Variants in CDK12 observed in about 807,000 individuals in gnomAD.
CDK12 encodes cyclin-dependent kinase 12.
In CDK12, 17 loss-of-function variants were observed where a neutral mutation model predicts 133.8. The observed-to-expected ratio is 0.13, with a 90% CI of 0.09 to 0.19. The LOEUF (loss-of-function observed/expected upper bound fraction) is 0.19, where lower values mean the gene tolerates loss of function less well. Ranked by LOEUF, CDK12 falls within the 10% of genes least tolerant of loss-of-function variation. The pLI, the probability that CDK12 is intolerant of heterozygous loss-of-function variation, is 1.00. For missense variants in CDK12, 1,508 were observed against 1,818.7 expected, an observed-to-expected ratio of 0.83 and a Z score of 3.11; for synonymous variants, 694 against 683.6, an observed-to-expected ratio of 1.02 and a Z score of -0.24.
At chr17:39,494,381 A>AACT in intron 4 of CDK12, 143 bp from the exon 5 acceptor site, 1 of 665,946 alleles carries the variant, frequency 1.5e-6, no homozygotes, top group Non-Finnish European at 2.6e-6. Context: ...CCTAGAGTTT[A>AACT]CTTTTTAAAG....
intron 2 of CDK12, among the ~76,000 whole-genome samples, chr17:39,480,622 C>T (rs1250480724): frequency 6.6e-6 from 1 of 151,888 alleles, no homozygotes. Flanking sequence ...AGGGTTTCAC[C>T]ACGTTGGCCA....
intron 5 of CDK12, among the ~76,000 whole-genome samples, chr17:39,496,123 G>T (rs960834774): frequency 6.6e-6 from 1 of 151,986 alleles, no homozygotes; most frequent in African/African-American, 2.4e-5. Flanking sequence ...TGTTGGCCAG[G>T]CTGGTTTCGA....
chr17:39,546,306 A>G (rs1358220482), upstream of CDK12: 1 of 150,442 alleles, frequency 6.6e-6, no homozygotes, highest in Non-Finnish European at 1.5e-5. Context: ...CAGCCTCCTC[A>G]GTAGCTGGGA....
chr17:39,550,935 G>A (rs1027776155), intron 1 of CDK12: 2 of 146,280 alleles, frequency 1.4e-5, no homozygotes, highest in African/African-American at 5.0e-5. Context: ...GGGAGGCTAA[G>A]GTAGGAGAAT....
intron 2 of CDK12, among the ~76,000 whole-genome samples, chr17:39,472,883 G>T (rs925043206): frequency 1.3e-5 from 2 of 150,904 alleles, no homozygotes; most frequent in Admixed American, 6.6e-5. Flanking sequence ...AGACCATCCT[G>T]GCTAACAACG....
chr17:39,528,913 G>A (rs1425825267), intron 13 of CDK12, among the ~76,000 whole-genome samples: 1 of 152,196 alleles, frequency 6.6e-6, no homozygotes, highest in Non-Finnish European at 1.5e-5. Context: ...CTTATATAGA[G>A]AGTGTTGAAA....
At chr17:39,500,489 C>T (rs965881877) in intron 5 of CDK12, among the ~76,000 whole-genome samples, 10 of 150,992 alleles carry the variant, frequency 6.6e-5, no homozygotes, top group Admixed American at 4.0e-4. Flanking sequence ...AAAAATTAGC[C>T]GGGTGTGGTG....
chr17:39,492,824 G>A lies in CDK12; in HGVS notation c.2182G>A (p.Asp728Asn). The change falls in exon 4 of 14, where the codon GAC (aspartate) becomes AAC (asparagine). Residue 728 changes from aspartate to asparagine, a missense_variant. This residue lies in a region of CDK12 where 74 missense variants were observed against 160.2 expected (regional missense o/e 0.46). Coordinates refer to ENST00000447079, the MANE Select transcript of CDK12 (RefSeq NM_016507.4). ...GGGGAAACGCTGTGTGGACAAGTTTGACATTATTGGGATTATTGGAGAAGG... is the reference window on the plus strand; with the variant it reads ...GGGGAAACGCTGTGTGGACAAGTTTAACATTATTGGGATTATTGGAGAAGG... ...DWGKRCVDKF[D>N]IIGIIGEGTY... 1 of 1,613,450 alleles carries A rather than the reference G, an allele frequency of 6.2e-7. No individual in the cohort carries two copies. The highest frequency in any genetic ancestry group is 8.5e-7 in the Non-Finnish European group (1 of 1,179,502).
chr17:39,565,157 A>C (rs1177843848), downstream of CDK12, among the ~76,000 whole-genome samples: 1 of 152,182 alleles, frequency 6.6e-6, no homozygotes, highest in Admixed American at 6.5e-5. Flanking sequence ...TCTGTCGCCC[A>C]GGCTGGAGTG....
chr17:39,557,812 G>T (rs1192829413), intron 3 of CDK12, among the ~76,000 whole-genome samples: 1 of 152,172 alleles, frequency 6.6e-6, no homozygotes, highest in East Asian at 1.9e-4. Flanking sequence ...ATGTGTGGTG[G>T]TTAGATCACA....
intron 4 of CDK12, 35 bp downstream of exon 4, chr17:39,492,925 G>C (rs767734225): frequency 1.3e-6 from 2 of 1,561,172 alleles, no homozygotes; most frequent in Admixed American, 3.8e-5. Context: ...ATGTCAGAAT[G>C]TTAACAATTT....
At chr17:39,509,925 A>T (rs2053375811) in intron 7 of CDK12, among the ~76,000 whole-genome samples, 164 bp downstream of exon 7, 1 of 151,222 alleles carries the variant, frequency 6.6e-6, no homozygotes. Context: ...CCTTAGTCTC[A>T]CAAGTAGCTG....
chr17:39,540,260 G>T (rs1031446819), intron 1 of CDK12, among the ~76,000 whole-genome samples: 3 of 152,184 alleles, frequency 2.0e-5, no homozygotes, highest in Non-Finnish European at 4.4e-5. Flanking sequence ...TGCTGTTGGT[G>T]GTGATGAAAG....
At chr17:39,470,106 A>G (rs1217829097) in intron 1 of CDK12, among the ~76,000 whole-genome samples, 1 of 151,462 alleles carries the variant, frequency 6.6e-6, no homozygotes, top group African/African-American at 2.4e-5. Flanking sequence ...TGATTCAGAT[A>G]TGTTTTCATG....
upstream of CDK12, among the ~76,000 whole-genome samples, chr17:39,543,492 G>T (rs532255721): frequency 4.2e-4 from 64 of 152,342 alleles, no homozygotes; most frequent in African/African-American, 1.5e-3. Flanking sequence ...GCATGCCTAG[G>T]CTGGAAGCAG....
chr17:39,516,843 T>A (rs977095825), intron 9 of CDK12, among the ~76,000 whole-genome samples: 1 of 151,540 alleles, frequency 6.6e-6, no homozygotes, highest in East Asian at 1.9e-4. Flanking sequence ...TTTTGTATTT[T>A]TAGTAGAGAC....
intron 3 of CDK12, among the ~76,000 whole-genome samples, 198 bp downstream of exon 3, chr17:39,490,931 A>T (rs1321043385): frequency 6.6e-6 from 1 of 152,180 alleles, no homozygotes; most frequent in Non-Finnish European, 1.5e-5. Context: ...ATACCCAGCT[A>T]TGTTTTTAGA....
chr17:39,467,224 G>A (rs1185794506), intron 1 of CDK12, among the ~76,000 whole-genome samples: 1 of 152,098 alleles, frequency 6.6e-6, no homozygotes, highest in African/African-American at 2.4e-5. Flanking sequence ...GGATCTGCCT[G>A]CCTCAGCCTC....
chr17:39,542,533 G>A (rs1270911573), intron 1 of CDK12, among the ~76,000 whole-genome samples: 3 of 148,512 alleles, frequency 2.0e-5, no homozygotes, highest in African/African-American at 7.5e-5. Context: ...TTTTGAAACG[G>A]CGTTTCATTC....
Sources: allele counts gnomAD v4.1 joint callset (sites outside exome capture counted in the v4.1 genomes callset), GRCh38; gene constraint gnomAD v4.1.1; regional missense constraint gnomAD v4.1.1; transcripts MANE v1.5; gene names NCBI Gene and HGNC (gene_info 2026-07-23, HGNC 2026-07-21).